Variants in BROX observed in about 807,000 individuals in gnomAD.
BROX encodes the protein BRO1 domain-containing protein BROX.
Under a neutral mutation model 61.0 loss-of-function variants are expected in BROX, and 53 were observed. The ratio of observed to expected loss-of-function variants is 0.87; its 90% CI spans 0.70 to 1.09. The LOEUF (loss-of-function observed/expected upper bound fraction) is 1.09, where lower values mean the gene tolerates loss of function less well. Ranked by LOEUF, BROX falls within the 50% of genes least tolerant of loss-of-function variation. BROX has a pLI of 0.00. For synonymous variants in BROX, 152 were observed against 160.2 expected (o/e 0.95, Z 0.38); for missense variants, 489 against 472.0 (o/e 1.04, Z -0.33).
intron 2 of BROX, 95 bp downstream of exon 2, chr1:222,715,895 T>C: frequency 1.6e-6 from 1 of 630,532 alleles, no homozygotes; most frequent in Non-Finnish European, 2.7e-6. Flanking sequence ...CTAAGTTTGT[T>C]ATAAATTTAT....
Position 222,728,737 on chromosome 1 carries a change from CT to C in BROX, c.671-3del. On this transcript the variant is annotated splice_polypyrimidine_tract_variant and splice_region_variant and intron_variant, in intron 8 of 12. Transcript: ENST00000340934. ...TTATATTTTGCTTTTTAAAATGTAACTTTAGATCATACTTTATCCAGTTTGG... is the reference window on the plus strand; with the variant it reads ...TTATATTTTGCTTTTTAAAATGTAACTTAGATCATACTTTATCCAGTTTGG... The C allele has an allele frequency of 6.4e-7, 1 of 1,568,540 alleles. No homozygotes were observed.
chr1:222,722,557 C>T, intron 5 of BROX, 43 bp downstream of exon 5: 1 of 1,341,698 alleles, frequency 7.5e-7, no homozygotes, highest in Non-Finnish European at 1.1e-6. Flanking sequence ...TGTTATTTTT[C>T]AAGTATGTGG....
chr1:222,721,628 T>C (rs1173176643), intron 4 of BROX, among the ~76,000 whole-genome samples: 1 of 152,194 alleles, frequency 6.6e-6, no homozygotes, highest in Non-Finnish European at 1.5e-5. Context: ...GTTATGAATA[T>C]CTTATTTGCT....
At chr1:222,720,604 G>T (rs983359510) in intron 4 of BROX, among the ~76,000 whole-genome samples, 60 of 152,032 alleles carry the variant, frequency 3.9e-4, no homozygotes, top group African/African-American at 1.4e-3. Context: ...TTGAGTTCAG[G>T]AGTTTGAGAC....
At chr1:222,719,401 G>T (rs1334277240) in intron 4 of BROX, 42 bp downstream of exon 4, 2 of 1,380,746 alleles carry the variant, frequency 1.4e-6, no homozygotes, top group Admixed American at 3.4e-5. Flanking sequence ...GCCAGTTTTT[G>T]TAACTATGTA....
At position 222,722,415 on chromosome 1, in the gene BROX, C is replaced by T; in HGVS notation, c.306-4C>T. On this transcript the variant is annotated splice_region_variant and splice_polypyrimidine_tract_variant and intron_variant, in intron 4 of 12. Transcript: ENST00000340934. ...GAACTTAATGATCATGTTTATAATTCCAGTGCCCAGCAGGATGCTGTTTTT... is the reference window on the plus strand; with the variant it reads ...GAACTTAATGATCATGTTTATAATTTCAGTGCCCAGCAGGATGCTGTTTTT... 3 of 1,608,492 alleles carry T rather than the reference C, an allele frequency of 1.9e-6. No homozygotes were observed. The highest frequency in any genetic ancestry group is 2.6e-6 in the Non-Finnish European group (3 of 1,175,294).
chr1:222,729,239 CTTAA>C (rs1348733652), intron 9 of BROX, among the ~76,000 whole-genome samples: 1 of 152,148 alleles, frequency 6.6e-6, no homozygotes, highest in Non-Finnish European at 1.5e-5. Flanking sequence ...ACCCACCAAA[CTTAA>C]TTGTTTTGTT....
rs369854349 is a variant in BROX, at chr1:222,714,480, G to A, written c.-16-1204G>A. ...CCCAAAGTGCTGGGATTACAGGCGT[G>A]AGCCACCGCGCGTTTTTTTTTTTTT... On this transcript the variant is annotated intron_variant, in intron 1 of 12. Coordinates refer to ENST00000340934, the MANE Select transcript of BROX (RefSeq NM_144695.4). 1.5e-3 allele frequency among the ~76,000 whole-genome samples: 225 copies of A among 150,642 alleles called. 6 individuals carry two copies. The South Asian group carries it at 0.021, about 14-fold the overall frequency.
intron 2 of BROX, among the ~76,000 whole-genome samples, chr1:222,716,244 A>G (rs1463013066): frequency 6.6e-6 from 1 of 152,034 alleles, no homozygotes; most frequent in African/African-American, 2.4e-5. Flanking sequence ...GATTACAGGC[A>G]CCTGCCACCA....
At chr1:222,727,665 G>A (rs1456590936) in intron 8 of BROX, among the ~76,000 whole-genome samples, 1 of 152,160 alleles carries the variant, frequency 6.6e-6, no homozygotes, top group Non-Finnish European at 1.5e-5. Flanking sequence ...TAGGAAACAT[G>A]CATGTGTTTT....
At chr1:222,714,388 A>G (rs1393552924) in intron 1 of BROX, among the ~76,000 whole-genome samples, 2 of 150,322 alleles carry the variant, frequency 1.3e-5, no homozygotes, top group African/African-American at 4.9e-5. Context: ...TTGTACTTTT[A>G]GTAGAGTCAC....
chr1:222,719,284 A>C lies in BROX; in HGVS notation c.230A>C (p.Glu77Ala). 3 of 1,598,400 alleles carry C rather than the reference A, an allele frequency of 1.9e-6. No individual in the cohort carries two copies. The highest frequency in any genetic ancestry group is 2.6e-6 in the Non-Finnish European group (3 of 1,165,906). Residue 77 changes from glutamate (E) to alanine (A), a missense_variant, in exon 4 of 13, where the codon GAA (glutamate) becomes GCA (alanine). By Grantham distance (107) the Glu-to-Ala change is moderately radical. Coordinates refer to ENST00000340934, the MANE Select transcript of BROX (RefSeq NM_144695.4). Reference protein sequence around the residue: ...LLQGFINSLDESTQESKLRYI... With the variant: ...LLQGFINSLDASTQESKLRYI... The stretch of plus-strand genomic sequence containing the variant: ...ATAGGTTTCATAAATTCTTTGGATG[A>C]ATCTACCCAAGAAAGCAAGTTACGA...
chr1:222,718,949 A>G lies in BROX; in HGVS notation c.126A>G (p.Arg42=). ...GTGACTTGAGGTCATCCAGGGCACG[A>G]CTCCTTGAACTGTTCACTGATTTGA... ...ICNDLRSSRA[R]LLELFTDLSC... Residue 42 remains arginine (R), a synonymous_variant, in exon 3 of 13, where the codon CGA becomes CGG. Transcript: ENST00000340934. The G allele has an allele frequency of 1.2e-6, 2 of 1,613,554 alleles. No individual in the cohort carries two copies. The highest frequency in any genetic ancestry group is 1.1e-5 in the South Asian group (1 of 91,036).
At position 222,724,183 on chromosome 1, in the gene BROX, A is replaced by C. The variant is rs1323455125; in HGVS notation, c.474+19A>C. On this transcript the variant is annotated intron_variant, in intron 6 of 12. Coordinates refer to ENST00000340934, the MANE Select transcript of BROX (RefSeq NM_144695.4). ...TTTAAAGGTAAAACAAACAAACAAAAACCATTATTTGTTCTTAATGCTTTA... is the reference window on the plus strand; with the variant it reads ...TTTAAAGGTAAAACAAACAAACAAACACCATTATTTGTTCTTAATGCTTTA... 2 of 1,576,802 alleles carry C rather than the reference A, an allele frequency of 1.3e-6. No individual in the cohort carries two copies. The highest frequency in any genetic ancestry group is 1.7e-6 in the Non-Finnish European group (2 of 1,155,110).
At chr1:222,728,647 G>A in intron 8 of BROX, 96 bp from the exon 9 acceptor site, 1 of 680,446 alleles carries the variant, frequency 1.5e-6, no homozygotes. Flanking sequence ...GACTTGAATG[G>A]CATTCTTTCT....
intron 12 of BROX, among the ~76,000 whole-genome samples, chr1:222,731,791 T>C (rs1657960062): frequency 6.6e-6 from 1 of 152,254 alleles, no homozygotes; most frequent in African/African-American, 2.4e-5. Flanking sequence ...AAGAAGAATG[T>C]GGGAGAAAAG....
At chr1:222,722,671 C>T (rs1355268426) in intron 5 of BROX, among the ~76,000 whole-genome samples, 157 bp downstream of exon 5, 2 of 152,098 alleles carry the variant, frequency 1.3e-5, no homozygotes, top group African/African-American at 2.4e-5. Flanking sequence ...TGGCACCTAG[C>T]GTTAAGAGGT....
Position 222,733,675 on chromosome 1 carries a change from T to C in BROX, c.*961T>C, listed in dbSNP as rs903501662. ...TGTTGGCACCTTATCCAAGAACTTA[T>C]CCCTGTTCCAGTACCCCTGTGCTTC... On this transcript the variant is annotated 3_prime_UTR_variant, in exon 13 of 13. Transcript: ENST00000340934. 1.3e-5 allele frequency: 2 copies of C among 152,214 alleles called. No homozygotes were observed. The highest frequency in any genetic ancestry group is 2.9e-5 in the Non-Finnish European group (2 of 68,032). The allele number at this position is 152,214 out of a possible 1,614,324, so 9.4% of individuals were successfully genotyped here.
chr1:222,731,897 A>G (rs1657965104), intron 12 of BROX, among the ~76,000 whole-genome samples: 1 of 152,202 alleles, frequency 6.6e-6, no homozygotes, highest in Admixed American at 6.5e-5. Flanking sequence ...TATTCTGTGA[A>G]TCCAGGTGTA....
Sources: allele counts gnomAD v4.1 joint callset (sites outside exome capture counted in the v4.1 genomes callset), GRCh38; gene constraint gnomAD v4.1.1; transcripts MANE v1.5; gene names NCBI Gene and HGNC (gene_info 2026-07-23, HGNC 2026-07-21).